LEMD2: variants seen among roughly 807,000 people sequenced by gnomAD.
LEMD2 encodes LEM domain-containing protein 2.
Under a neutral mutation model 58.8 loss-of-function variants are expected in LEMD2, and 34 were observed. That is an observed-to-expected ratio of 0.58 (90% confidence interval 0.44 to 0.77). The LOEUF (loss-of-function observed/expected upper bound fraction) is 0.77. Ranked by LOEUF, LEMD2 falls within the 30% of genes least tolerant of loss-of-function variation. LEMD2 has a pLI of 0.00. For synonymous variants in LEMD2, 298 were observed against 308.9 expected (o/e 0.96, Z 0.37); for missense variants, 629 against 717.9 (o/e 0.88, Z 1.42).
At chr6:33,784,267 C>T (rs1767625773) in intron 3 of LEMD2, 85 bp downstream of exon 3, 1 of 1,055,970 alleles carries the variant, frequency 9.5e-7, no homozygotes, top group Admixed American at 1.7e-5. Flanking sequence ...CGCTGGCCAG[C>T]AGCAGTGTAA....
In LEMD2 at chr6:33,772,360, A is replaced by C. The variant is rs1767319358; in HGVS notation, c.*268T>G. 3.2e-6 allele frequency: 1 copy of C among 317,174 alleles called. No individual in the cohort carries two copies. Among genetic ancestry groups the C allele is most frequent in the Non-Finnish European group, 5.8e-6 (1 of 173,244 alleles). The allele number at this position is 317,174 out of a possible 1,614,324, so 19.6% of individuals were successfully genotyped here. ...CTGCTCTTGTTTTCTATTCATGAAA[A>C]CTCAACCCTTCTCCCCGTTTCTGCC... On this transcript the variant is annotated 3_prime_UTR_variant, in exon 9 of 9. Coordinates refer to ENST00000293760, the MANE Select transcript of LEMD2 (RefSeq NM_181336.4).
At chr6:33,787,040 T>C (rs4713681) in intron 1 of LEMD2, 222,208 of 560,840 alleles carry the variant, frequency 0.4, 47,054 homozygotes, top group East Asian at 0.73. Context: ...TCAACCACTC[T>C]GAACCTCTGT....
Position 33,788,978 on chromosome 6 carries a change from C to T in LEMD2, c.139G>A (p.Glu47Lys), listed in dbSNP as rs552862200. The change falls in exon 1 of 9, where the codon GAG becomes AAG. Residue 47 changes from glutamate (E) to lysine (K), a missense_variant. Glu to Lys is a moderately conservative substitution (Grantham distance 56, BLOSUM62 1). This residue lies in a region of LEMD2 where 386 missense variants were observed against 381.1 expected (regional missense o/e 1.01). Transcript: ENST00000293760. ...CGGGCCTCCTCCCGCAGCCGCTCCT[C>T]GTCGCGCAGCCGGGCCTCGCCCCGC... The part of the protein sequence containing the change: ...RLRGEARLRD[E>K]ERLREEARPR... 10 of 1,541,602 alleles carry T rather than the reference C, an allele frequency of 6.5e-6. 1 individual carries two copies. In the South Asian group the frequency reaches 7.1e-5, roughly 11 times the overall value.
In LEMD2 at chr6:33,778,232, G is replaced by A. The variant is rs578262036; in HGVS notation, c.1156+10C>T. The A allele has an allele frequency of 2.0e-5, 32 of 1,575,460 alleles. No individual in the cohort carries two copies. Among genetic ancestry groups the A allele is most frequent in the South Asian group, 4.7e-5 (4 of 85,658 alleles). The stretch of plus-strand genomic sequence containing the variant: ...GCACAGAAGGGGAGGGAAGGCGGCC[G>A]AGGACTTACACCAGAAGAAGATGAG... On this transcript the variant is annotated intron_variant, in intron 6 of 8. Transcript: ENST00000293760. The surrounding 1 kb of genome is among the most constrained non-coding windows in gnomAD (Gnocchi z 4.7).
At chr6:33,781,290 A>G (rs1046025177) in intron 3 of LEMD2, 137 bp from the exon 4 acceptor site, 3 of 628,710 alleles carry the variant, frequency 4.8e-6, no homozygotes, top group Non-Finnish European at 8.5e-6. Context: ...TCTGTGGGGC[A>G]TCTTCACTCT....
chr6:33,777,129 G>A lies in LEMD2; in HGVS notation c.1258+9C>T. Reference sequence around the variant, plus strand: ...TCGGCAACCCTTTATTCACCAGGGGGCCACGCACCTATAATCTTCTTCACC... The same window carrying A: ...TCGGCAACCCTTTATTCACCAGGGGACCACGCACCTATAATCTTCTTCACC... On this transcript the variant is annotated intron_variant, in intron 7 of 8. Coordinates refer to ENST00000293760, the MANE Select transcript of LEMD2 (RefSeq NM_181336.4). 6.2e-7 allele frequency: 1 copy of A among 1,611,946 alleles called. No individual in the cohort carries two copies. The highest frequency in any genetic ancestry group is 8.5e-7 in the Non-Finnish European group (1 of 1,178,002).
In LEMD2 at chr6:33,779,216, C is replaced by T. The variant is rs181444284; in HGVS notation, c.1011-829G>A. 26 of 152,098 alleles carry T rather than the reference C, an allele frequency of 1.7e-4. No homozygotes were observed. In the South Asian group the frequency reaches 2.7e-3, roughly 16 times the overall value. The allele number at this position is 152,098 out of a possible 1,614,324, so 9.4% of individuals were successfully genotyped here. On this transcript the variant is annotated intron_variant, in intron 5 of 8. Transcript: ENST00000293760. ...CTGAGGATAAAATCCGTATTCTCCT[C>T]CGCCTTTTCTAACACAGGAAAATTG...
chr6:33,773,481 A>T (rs944503641), intron 8 of LEMD2, among the ~76,000 whole-genome samples: 1 of 151,710 alleles, frequency 6.6e-6, no homozygotes, highest in Non-Finnish European at 1.5e-5. Context: ...GCCTTTTCTC[A>T]TCACTGCAGC....
intron 1 of LEMD2, among the ~76,000 whole-genome samples, chr6:33,787,885 G>C (rs973627120): frequency 6.6e-6 from 1 of 152,216 alleles, no homozygotes; most frequent in Non-Finnish European, 1.5e-5. Flanking sequence ...ACAAAGCGGC[G>C]GCCCTGTGAT....
In LEMD2 at chr6:33,780,191, C is replaced by G; in HGVS notation, c.931-12G>C. On this transcript the variant is annotated splice_polypyrimidine_tract_variant and intron_variant, in intron 4 of 8. Transcript: ENST00000293760. ...CTGCTGGTCACATTCTGTGGGAGGG[C>G]GCGGGAGAAGGTTAGTTCGGCGTCT... 6.3e-7 allele frequency: 1 copy of G among 1,577,686 alleles called. No individual in the cohort carries two copies. The highest frequency in any genetic ancestry group is 1.2e-5 in the South Asian group (1 of 86,470).
At chr6:33,787,602 T>C (rs1767708737) in intron 1 of LEMD2, among the ~76,000 whole-genome samples, 1 of 152,270 alleles carries the variant, frequency 6.6e-6, no homozygotes, top group African/African-American at 2.4e-5. Flanking sequence ...AGTGGCCCTT[T>C]ATACCTAAAT....
In LEMD2 at chr6:33,786,977, T is replaced by G. The variant is rs1425125927; in HGVS notation, c.737-203A>C. 1.4e-5 allele frequency: 17 copies of G among 1,213,432 alleles called. No individual in the cohort carries two copies. In the African/African-American group the frequency reaches 2.5e-4, roughly 18 times the overall value. The allele number at this position is 1,213,432 out of a possible 1,614,324, so 75.2% of individuals were successfully genotyped here. On this transcript the variant is annotated intron_variant, in intron 1 of 8. Coordinates refer to ENST00000293760, the MANE Select transcript of LEMD2 (RefSeq NM_181336.4). ...CCAAATCCTGGATTAGGAATTACGA[T>G]AGCTGGGTCCTTGTCCCAGCTGAAA...
At position 33,778,120 on chromosome 6, in the gene LEMD2, C is replaced by G. The variant is rs1196582657; in HGVS notation, c.1156+122G>C. ...TGTTCATCTCCTCTGTTTTATGAGA[C>G]AGACCTCAGGTTCACTAGACAGAAA... On this transcript the variant is annotated intron_variant, in intron 6 of 8. Coordinates refer to ENST00000293760, the MANE Select transcript of LEMD2 (RefSeq NM_181336.4). The surrounding 1 kb of genome is among the most constrained non-coding windows in gnomAD (Gnocchi z 4.7). 1 of 937,794 alleles carries G rather than the reference C, an allele frequency of 1.1e-6. No individual in the cohort carries two copies. The highest frequency in any genetic ancestry group is 1.7e-5 in the African/African-American group (1 of 58,570). 58.1% of individuals were successfully genotyped at this position (937,794 alleles called of 1,614,324 possible). A position where few individuals can be genotyped will look rare whatever the true frequency, so the allele number is the denominator to read the frequency against.
chr6:33,772,429 C>T lies in LEMD2; in HGVS notation c.*199G>A, dbSNP rs1281642108. The T allele has an allele frequency of 9.5e-6, 5 of 524,850 alleles. No individual in the cohort carries two copies. The highest frequency in any genetic ancestry group is 1.7e-5 in the Non-Finnish European group (5 of 298,562). The allele number at this position is 524,850 out of a possible 1,614,324, so 32.5% of individuals were successfully genotyped here. ...CTGGGCTATCACCCTGGCTTCTCCC[C>T]CTCCCTTTAAAGGAAGCCCACATTT... On this transcript the variant is annotated 3_prime_UTR_variant, in exon 9 of 9. Transcript: ENST00000293760.
At chr6:33,786,644 G>A in intron 2 of LEMD2, 90 bp downstream of exon 2, 1 of 978,272 alleles carries the variant, frequency 1.0e-6, no homozygotes, top group Non-Finnish European at 1.6e-6. Flanking sequence ...CCCTGAAAAT[G>A]ATCCTATTCT....
rs773144153 is a variant in LEMD2 at position 33,777,155 on chromosome 6, A to G, written c.1241T>C (p.Met414Thr). ...LEEEEQAMYE[M>T]VKKIIDVVQD... Reference sequence around the variant, plus strand: ...CCACGCACCTATAATCTTCTTCACCATCTCATACATGGCTTGTTCCTCCTC... The same window carrying G: ...CCACGCACCTATAATCTTCTTCACCGTCTCATACATGGCTTGTTCCTCCTC... The change falls in exon 7 of 9, where the codon ATG becomes ACG. Residue 414 changes from methionine (M) to threonine (T), a missense_variant. By Grantham distance (81) the Met-to-Thr change is moderately conservative. Coordinates refer to ENST00000293760, the MANE Select transcript of LEMD2 (RefSeq NM_181336.4). 2.5e-6 allele frequency: 4 copies of G among 1,614,058 alleles called. 1 individual carries two copies. The South Asian group carries it at 4.4e-5, about 18-fold the overall frequency.
rs1043382788 is a variant in LEMD2 at position 33,786,790 on chromosome 6, G to T, written c.737-16C>A. On this transcript the variant is annotated splice_polypyrimidine_tract_variant and intron_variant, in intron 1 of 8. Transcript: ENST00000293760. ...AATAACTTCACTGAGACCAAGAAAAGAAACACAGAGGAAATTAAGTGTGGG... is the reference window on the plus strand; with the variant it reads ...AATAACTTCACTGAGACCAAGAAAATAAACACAGAGGAAATTAAGTGTGGG... The T allele has an allele frequency of 1.2e-6, 2 of 1,613,298 alleles. No homozygotes were observed. Among genetic ancestry groups the T allele is most frequent in the Non-Finnish European group, 1.7e-6 (2 of 1,179,734 alleles).
chr6:33,777,299 T>C, intron 6 of LEMD2, 60 bp from the exon 7 acceptor site: 1 of 1,112,268 alleles, frequency 9.0e-7, no homozygotes, highest in South Asian at 1.2e-5. Context: ...GGTCTCACCA[T>C]GGACAAGATG....
At position 33,788,783 on chromosome 6, in the gene LEMD2, C is replaced by A; in HGVS notation, c.334G>T (p.Ala112Ser). The change falls in exon 1 of 9, where the codon GCT becomes TCT. Residue 112 changes from alanine (A) to serine (S), a missense_variant. Ala to Ser is a moderately conservative substitution (Grantham distance 99). Around this residue, in one of 2 missense-constraint regions of LEMD2, gnomAD observed 386 missense variants for 381.1 expected, o/e 1.01. Coordinates refer to ENST00000293760, the MANE Select transcript of LEMD2 (RefSeq NM_181336.4). ...AGGCCGCGGCTCCCTACCCAGGAAG[C>A]CGCGGAGGGCCGGATATCACCGTAG... Reference protein sequence around the residue: ...GAYGDIRPSAASWVGSRGLAY... With the variant: ...GAYGDIRPSASSWVGSRGLAY... The A allele has an allele frequency of 6.9e-7, 1 of 1,451,340 alleles. No individual in the cohort carries two copies. Among genetic ancestry groups the A allele is most frequent in the Admixed American group, 2.5e-5 (1 of 40,202 alleles). The allele number at this position is 1,451,340 out of a possible 1,614,324, so 89.9% of individuals were successfully genotyped here. A position where few individuals can be genotyped will look rare whatever the true frequency, so the allele number is the denominator to read the frequency against.
Sources: allele counts gnomAD v4.1 joint callset (sites outside exome capture counted in the v4.1 genomes callset), GRCh38; gene constraint gnomAD v4.1.1; regional missense constraint gnomAD v4.1.1; non-coding constraint Gnocchi (gnomAD v3.1); transcripts MANE v1.5; gene names NCBI Gene and HGNC (gene_info 2026-07-23, HGNC 2026-07-21).